The following JAKMIP3 variants were observed in gnomAD, a reference collection of about 807,000 sequenced individuals.
JAKMIP3 encodes the protein janus kinase and microtubule-interacting protein 3.
JAKMIP3 carries 58 observed loss-of-function variants against 118.5 expected under a neutral mutation model. The ratio of observed to expected loss-of-function variants is 0.49; its 90% confidence interval spans 0.40 to 0.61. The LOEUF is 0.61. JAKMIP3 is among the 20% of genes least tolerant of loss of function. JAKMIP3 has a pLI of 0.00. For missense variants in JAKMIP3, 950 were observed against 1,109.0 expected (o/e 0.86, Z 2.04); for synonymous variants, 486 against 451.2 (o/e 1.08, Z -0.98).
chr10:132,078,649 A>T (rs1340957011), intron 1 of JAKMIP3, among the ~76,000 whole-genome samples: 2 of 148,302 alleles, frequency 1.3e-5, no homozygotes, highest in African/African-American at 4.9e-5. Flanking sequence ...GTTTCTGGCC[A>T]TGTGCTCCTG....
chr10:132,164,224 C>T (rs1237092678), intron 20 of JAKMIP3, among the ~76,000 whole-genome samples: 2 of 152,218 alleles, frequency 1.3e-5, no homozygotes, highest in Non-Finnish European at 2.9e-5. Flanking sequence ...CCTGCAACCC[C>T]TTTGCTGCCT....
rs555340654 is a variant in JAKMIP3, at chr10:132,110,479, G to A, written c.135+5536G>A. Among the ~76,000 whole-genome samples the A allele has an allele frequency of 2.0e-5, 3 of 152,406 alleles. No homozygotes were observed. In the South Asian group the frequency reaches 6.2e-4, roughly 32 times the overall value. On this transcript the variant is annotated intron_variant, in intron 2 of 23. Transcript: ENST00000684848. ...CCGTTTACATTGAACAGCCGAGGGA[G>A]GGGAGCTGCTTGTTTCTCTGCTGCG...
intron 1 of JAKMIP3, among the ~76,000 whole-genome samples, chr10:132,040,493 T>C (rs990406272): frequency 6.6e-6 from 1 of 152,228 alleles, no homozygotes; most frequent in Non-Finnish European, 1.5e-5. Context: ...GTTTGGATCA[T>C]GCTATAATCA....
At chr10:132,081,569 T>C (rs1353365722) in intron 1 of JAKMIP3, among the ~76,000 whole-genome samples, 2 of 152,182 alleles carry the variant, frequency 1.3e-5, no homozygotes, top group Non-Finnish European at 2.9e-5. Context: ...AGTGCCCGCA[T>C]CTTTACTAAG....
chr10:132,090,731 T>A (rs2042989314), intron 1 of JAKMIP3, among the ~76,000 whole-genome samples: 2 of 152,258 alleles, frequency 1.3e-5, no homozygotes, highest in South Asian at 4.1e-4. Flanking sequence ...CTTAGTTATT[T>A]CTTGCCTTCT....
At chr10:132,038,989 C>T (rs1428410379) in intron 1 of JAKMIP3, among the ~76,000 whole-genome samples, 8 of 152,070 alleles carry the variant, frequency 5.3e-5, no homozygotes, top group African/African-American at 1.9e-4. Flanking sequence ...CTTCACCCAG[C>T]GGAGCCGCTC....
chr10:132,083,187 A>G (rs1419284243), intron 1 of JAKMIP3, among the ~76,000 whole-genome samples: 2 of 152,172 alleles, frequency 1.3e-5, no homozygotes, highest in African/African-American at 4.8e-5. Flanking sequence ...TATCCATGCC[A>G]ACATCTATTC....
At chr10:132,065,270 G>A (rs563417124), upstream of JAKMIP3, among the ~76,000 whole-genome samples, 44 of 152,066 alleles carry the variant, frequency 2.9e-4, no homozygotes, top group Non-Finnish European at 6.0e-4. The surrounding 1 kb of genome is among the most constrained non-coding windows in gnomAD (Gnocchi z 5.6). Context: ...TATGGACTGC[G>A]TGTGGGATTG....
At chr10:132,136,737 G>C (rs2637645) in intron 6 of JAKMIP3, among the ~76,000 whole-genome samples, 120,362 of 152,134 alleles carry the variant, frequency 0.79, 48,619 homozygotes, top group East Asian at 0.99. Context: ...CTTCAGGGCT[G>C]TGAGCGATCC....
chr10:132,145,645 C>T (rs1041370044), intron 13 of JAKMIP3, 65 bp downstream of exon 13: 2 of 1,348,664 alleles, frequency 1.5e-6, no homozygotes, highest in African/African-American at 1.5e-5. Context: ...TTGCAGTGGT[C>T]CCTGCGGGGC....
At chr10:132,180,740 T>TGC (rs1365602521) in intron 23 of JAKMIP3, among the ~76,000 whole-genome samples, 138 of 5,136 alleles carry the variant, frequency 0.027, 34 homozygotes, top group South Asian at 0.048. Flanking sequence ...CGTGTGTGCG[T>TGC]GCGTGCGCGC....
chr10:132,097,942 C>CTTCCTTCCTTTT (rs2044199075), intron 1 of JAKMIP3, among the ~76,000 whole-genome samples: 1 of 72,848 alleles, frequency 1.4e-5, no homozygotes, highest in Non-Finnish European at 3.1e-5. Flanking sequence ...TTCCCCTTTC[C>CTTCCTTCCTTTT]CTTTCCCATC....
At position 132,157,340 on chromosome 10, in the gene JAKMIP3, C is replaced by T. The variant is rs546853218; in HGVS notation, c.2220+3350C>T. ...GCACAGCCAGGGCGCTTCCCACCAGCCCAAGGAGTGACTTGGTGTGAGCGC... is the reference window on the plus strand; with the variant it reads ...GCACAGCCAGGGCGCTTCCCACCAGTCCAAGGAGTGACTTGGTGTGAGCGC... On this transcript the variant is annotated intron_variant, in intron 19 of 23. Coordinates refer to ENST00000684848, the MANE Select transcript of JAKMIP3 (RefSeq NM_001323087.2). Among the ~76,000 whole-genome samples, 7 of 152,242 alleles carry T rather than the reference C, an allele frequency of 4.6e-5. No individual in the cohort carries two copies. In the South Asian group the frequency reaches 1.5e-3, roughly 32 times the overall value.
chr10:132,079,461 A>C (rs2041429071), intron 1 of JAKMIP3, among the ~76,000 whole-genome samples: 1 of 152,184 alleles, frequency 6.6e-6, no homozygotes, highest in Non-Finnish European at 1.5e-5. Context: ...GTTTATTTAC[A>C]CACACATGCC....
intron 14 of JAKMIP3, among the ~76,000 whole-genome samples, 182 bp from the exon 15 acceptor site, chr10:132,149,230 G>T (rs1185034180): frequency 6.6e-6 from 1 of 152,054 alleles, no homozygotes; most frequent in Non-Finnish European, 1.5e-5. Flanking sequence ...CAGTCCTTGT[G>T]GGCAGGTCCA....
At chr10:132,152,844 C>T (rs1251744347) in intron 16 of JAKMIP3, 114 bp from the exon 17 acceptor site, 3 of 766,618 alleles carry the variant, frequency 3.9e-6, no homozygotes, top group Non-Finnish European at 6.7e-6. Flanking sequence ...CTCTGGCCCC[C>T]ACCCAGGCGT....
intron 1 of JAKMIP3, among the ~76,000 whole-genome samples, chr10:132,047,805 T>A (rs1284680889): frequency 1.2e-5 from 1 of 86,860 alleles, no homozygotes; most frequent in African/African-American, 4.2e-5. Flanking sequence ...GAGTGTCCCC[T>A]CATGGAGCTG....
At chr10:132,164,764 T>G in intron 21 of JAKMIP3, 29 bp downstream of exon 21, 2 of 1,519,738 alleles carry the variant, frequency 1.3e-6, no homozygotes, top group Non-Finnish European at 1.8e-6. Flanking sequence ...TGGGGGTTGC[T>G]TGTTAAGATC....
chr10:132,164,260 AT>A (rs1278361400), intron 20 of JAKMIP3, among the ~76,000 whole-genome samples: 2 of 152,144 alleles, frequency 1.3e-5, no homozygotes, highest in Non-Finnish European at 2.9e-5. Context: ...TGGAGCTCGG[AT>A]GCTTGGGGGA....
Sources: allele counts gnomAD v4.1 joint callset (sites outside exome capture counted in the v4.1 genomes callset), GRCh38; gene constraint gnomAD v4.1.1; non-coding constraint Gnocchi (gnomAD v3.1); transcripts MANE v1.5; gene names NCBI Gene and HGNC (gene_info 2026-07-23, HGNC 2026-07-21).